The following SLC35F4 variants were observed in gnomAD, a reference collection of about 807,000 sequenced individuals.
SLC35F4 encodes chromosome 14 open reading frame 36.
SLC35F4 carries 24 observed loss-of-function variants against 44.2 expected under a neutral mutation model. The observed-to-expected ratio is 0.54, with a 90% CI of 0.39 to 0.76. The LOEUF (loss-of-function observed/expected upper bound fraction) is 0.76, where lower values mean the gene tolerates loss of function less well. Among genes scored for constraint, SLC35F4 ranks in the 30% least tolerant of loss-of-function variants. SLC35F4 has a pLI of 0.00. For synonymous variants in SLC35F4, 238 were observed against 223.6 expected, an observed-to-expected ratio of 1.06 and a Z score of -0.57; for missense variants, 562 against 586.1, an observed-to-expected ratio of 0.96 and a Z score of 0.42.
chr14:57,951,975 C>T (rs1309965508), intron 1 of SLC35F4, among the ~76,000 whole-genome samples: 1 of 152,200 alleles, frequency 6.6e-6, no homozygotes, highest in African/African-American at 2.4e-5. Context: ...CCCTGATCCT[C>T]GTGCCTCCTG....
chr14:57,857,445 AT>A (rs952888865), intron 1 of SLC35F4, among the ~76,000 whole-genome samples: 1 of 151,698 alleles, frequency 6.6e-6, no homozygotes, highest in Non-Finnish European at 1.5e-5. Flanking sequence ...CATTGCTGGT[AT>A]TTTTTTTCTT....
chr14:57,659,715 T>G (rs945011905), intron 1 of SLC35F4, among the ~76,000 whole-genome samples: 3 of 152,170 alleles, frequency 2.0e-5, no homozygotes, highest in African/African-American at 7.2e-5. Flanking sequence ...TAGCTGAGGG[T>G]TGTACTTCAG....
intron 1 of SLC35F4, among the ~76,000 whole-genome samples, chr14:57,666,018 T>C (rs991774113): frequency 1.1e-4 from 16 of 152,070 alleles, no homozygotes; most frequent in African/African-American, 3.6e-4. Context: ...AAATCACTAA[T>C]AGGTACCAGG....
intron 1 of SLC35F4, among the ~76,000 whole-genome samples, chr14:57,681,222 T>C (rs967894293): frequency 3.3e-5 from 5 of 152,044 alleles, no homozygotes; most frequent in Admixed American, 3.3e-4. Context: ...ACACCACACA[T>C]CTACCACCAC....
intron 1 of SLC35F4, among the ~76,000 whole-genome samples, chr14:57,843,045 G>T (rs571212981): frequency 1.3e-5 from 2 of 152,264 alleles, no homozygotes; most frequent in East Asian, 3.9e-4. Flanking sequence ...ACTTACACCA[G>T]TGATTTGCCA....
intron 1 of SLC35F4, among the ~76,000 whole-genome samples, chr14:57,619,567 A>T (rs2072059188): frequency 6.6e-6 from 1 of 152,212 alleles, no homozygotes; most frequent in African/African-American, 2.4e-5. Flanking sequence ...AAAGGTAGAT[A>T]AATCCATGAA....
chr14:57,651,999 C>T (rs2140203892), intron 1 of SLC35F4, among the ~76,000 whole-genome samples: 1 of 152,244 alleles, frequency 6.6e-6, no homozygotes, highest in South Asian at 2.1e-4. Flanking sequence ...GACTGACCCA[C>T]TGGATCATGG....
intron 1 of SLC35F4, among the ~76,000 whole-genome samples, chr14:57,608,836 A>T (rs1454082352): frequency 1.3e-5 from 2 of 151,866 alleles, no homozygotes; most frequent in East Asian, 1.9e-4. Flanking sequence ...ACAATACAGA[A>T]ATCAAAGGAA....
At chr14:57,613,173 C>G (rs2071610186) in intron 1 of SLC35F4, among the ~76,000 whole-genome samples, 1 of 152,152 alleles carries the variant, frequency 6.6e-6, no homozygotes, top group Non-Finnish European at 1.5e-5. Flanking sequence ...TGAGTTTCCT[C>G]CTTCTGGATG....
intron 5 of SLC35F4, among the ~76,000 whole-genome samples, chr14:57,570,752 T>C (rs942537121): frequency 1.3e-5 from 2 of 152,200 alleles, no homozygotes; most frequent in African/African-American, 2.4e-5. Flanking sequence ...AATGAATACA[T>C]TCTGTAACCT....
chr14:57,724,158 A>C (rs145620562), intron 1 of SLC35F4, among the ~76,000 whole-genome samples: 4,302 of 152,288 alleles, frequency 0.028, 203 homozygotes, highest in African/African-American at 0.097. Context: ...TGAGTGGGGT[A>C]CAGAACAGGA....
At chr14:57,854,832 T>G (rs896066429) in intron 1 of SLC35F4, among the ~76,000 whole-genome samples, 3 of 152,228 alleles carry the variant, frequency 2.0e-5, no homozygotes, top group Admixed American at 6.5e-5. Context: ...CGTCCCTTTC[T>G]GTTTTAGCAC....
intron 1 of SLC35F4, among the ~76,000 whole-genome samples, chr14:57,963,712 CTTTTTTTTTTTTT>C (rs68101912): frequency 4.5e-4 from 14 of 31,294 alleles, no homozygotes; most frequent in South Asian, 3.1e-3. Context: ...ATTCTAGCTC[CTTTTTTTTTTTTT>C]TTTTTTTTTT....
intron 1 of SLC35F4, among the ~76,000 whole-genome samples, chr14:57,735,590 T>C (rs1378232457): frequency 6.6e-6 from 1 of 152,216 alleles, no homozygotes; most frequent in Non-Finnish European, 1.5e-5. Context: ...CTCAGGGCAA[T>C]GCCTGTGTCT....
rs78462221 is a variant in SLC35F4 at position 57,821,479 on chromosome 14, C to G, written c.103+44244G>C. Among the ~76,000 whole-genome samples, 549 of 152,230 alleles carry G rather than the reference C, an allele frequency of 3.6e-3. 1 individual carries two copies. The highest frequency in any genetic ancestry group is 6.0e-3 in the Non-Finnish European group (407 of 68,030). Reference sequence around the variant, plus strand: ...TGGTAAGAAAAAAGCTGTGCGCATGCAGTATACAAACCATAACAGCAGGTA... The same window carrying G: ...TGGTAAGAAAAAAGCTGTGCGCATGGAGTATACAAACCATAACAGCAGGTA... On this transcript the variant is annotated intron_variant, in intron 1 of 7. Transcript: ENST00000556826.
At chr14:57,839,303 T>C (rs769661578) in intron 1 of SLC35F4, among the ~76,000 whole-genome samples, 12 of 152,188 alleles carry the variant, frequency 7.9e-5, no homozygotes, top group Non-Finnish European at 1.6e-4. Context: ...TTATGTAATA[T>C]TGATGGCAGT....
chr14:57,976,037 G>A (rs1881204709), downstream of SLC35F4, among the ~76,000 whole-genome samples: 1 of 152,164 alleles, frequency 6.6e-6, no homozygotes, highest in African/African-American at 2.4e-5. Flanking sequence ...GAGCAGGAGT[G>A]TAGAAACCTG....
Position 57,963,520 on chromosome 14 carries a change from G to C in SLC35F4, n.282+18393C>G, listed in dbSNP as rs578071097. Among the ~76,000 whole-genome samples the C allele has an allele frequency of 5.3e-5, 8 of 152,084 alleles. No homozygotes were observed. In the South Asian group the frequency reaches 1.7e-3, roughly 32 times the overall value. On this transcript the variant is annotated intron_variant and non_coding_transcript_variant, in intron 1 of 1. Coordinates refer to the SLC35F4 transcript ENST00000556568. Reference sequence around the variant, plus strand: ...CTGCAGTGCTGTGTTCTAGAAAGCAGAAAAAAATGAGCTGCCACCAAACAT... The same window carrying C: ...CTGCAGTGCTGTGTTCTAGAAAGCACAAAAAAATGAGCTGCCACCAAACAT...
chr14:57,825,692 C>A (rs1029490630), intron 1 of SLC35F4, among the ~76,000 whole-genome samples: 5 of 152,076 alleles, frequency 3.3e-5, no homozygotes, highest in African/African-American at 1.2e-4. Context: ...AATCATTGTG[C>A]AAAAATCACA....
Sources: gnomAD v4.1 joint callset for allele counts (sites outside exome capture counted in the v4.1 genomes callset) on GRCh38, gnomAD v4.1.1 for gene constraint, MANE v1.5 for transcripts, NCBI Gene and HGNC (gene_info 2026-07-23, HGNC 2026-07-21) for gene names.